The following NCOA3 variants were observed in gnomAD, a reference collection of about 807,000 sequenced individuals.
The protein encoded by NCOA3 is CBP-interacting protein.
A neutral mutation model predicts 158.8 loss-of-function variants in NCOA3; 51 were observed. The observed-to-expected ratio is 0.32, with a 90% CI of 0.26 to 0.41. NCOA3 has a LOEUF of 0.41. Among genes scored for constraint, NCOA3 ranks in the 10% least tolerant of loss-of-function variants. The pLI is 1.00. For missense variants in NCOA3, 1,510 were observed against 1,746.6 expected, an observed-to-expected ratio of 0.86 and a Z score of 2.41; for synonymous variants, 537 against 592.4, an observed-to-expected ratio of 0.91 and a Z score of 1.36.
At chr20:47,572,413 G>GA (rs375734611) in intron 1 of NCOA3, among the ~76,000 whole-genome samples, 18 of 149,866 alleles carry the variant, frequency 1.2e-4, no homozygotes, top group South Asian at 4.2e-4. Context: ...TCTAGTAAAA[G>GA]AAAAAAAAAC....
At chr20:47,585,287 C>T (rs544671377) in intron 2 of NCOA3, among the ~76,000 whole-genome samples, 6 of 152,136 alleles carry the variant, frequency 3.9e-5, no homozygotes, top group South Asian at 4.1e-4. Context: ...CCTCAAGTGA[C>T]GTGCCTGCCT....
chr20:47,640,159 G>T (rs1279776580), intron 16 of NCOA3, 108 bp downstream of exon 16: 1 of 1,458,386 alleles, frequency 6.9e-7, no homozygotes, highest in East Asian at 2.3e-5. Context: ...CCCTATAATT[G>T]AGGTACTGGG....
chr20:47,606,671 C>T (rs181437884), intron 2 of NCOA3, among the ~76,000 whole-genome samples: 8 of 152,266 alleles, frequency 5.3e-5, no homozygotes, highest in African/African-American at 1.2e-4. Flanking sequence ...TGGCTGTCTC[C>T]GGGAAAAGCA....
At chr20:47,555,308 A>G (rs1399778811) in intron 1 of NCOA3, among the ~76,000 whole-genome samples, 1 of 152,212 alleles carries the variant, frequency 6.6e-6, no homozygotes, top group East Asian at 1.9e-4. Context: ...GTAAGCTATG[A>G]TGTTAGGCAA....
chr20:47,633,386 C>A, intron 8 of NCOA3, 110 bp from the exon 9 acceptor site: 1 of 1,065,864 alleles, frequency 9.4e-7, no homozygotes, highest in Non-Finnish European at 1.3e-6. Flanking sequence ...GAAGGTGGAG[C>A]AAAGATTTAA....
chr20:47,644,201 G>A (rs576222037), intron 17 of NCOA3, among the ~76,000 whole-genome samples: 4 of 151,300 alleles, frequency 2.6e-5, no homozygotes, highest in African/African-American at 7.3e-5. Context: ...GTGCAGTGGC[G>A]TGATCTTGGC....
chr20:47,526,446 G>GC (rs1158575175), intron 1 of NCOA3, among the ~76,000 whole-genome samples: 4 of 152,148 alleles, frequency 2.6e-5, no homozygotes, highest in Admixed American at 6.5e-5. Flanking sequence ...CCGAGATCAC[G>GC]CCACTGCACT....
rs193158155 is a variant in NCOA3 at position 47,531,274 on chromosome 20, G to A, written c.-99+29255G>A. 9.9e-5 allele frequency among the ~76,000 whole-genome samples: 15 copies of A among 152,284 alleles called. No homozygotes were observed. The East Asian group carries it at 2.9e-3, about 29-fold the overall frequency. On this transcript the variant is annotated intron_variant, in intron 1 of 22. Coordinates refer to ENST00000371998, the MANE Select transcript of NCOA3 (RefSeq NM_181659.3). ...GAATCGCTTGAACTCAGGAGGCAGAGGCTGCATGCAGTGAGCCGAGATTGT... is the reference window on the plus strand; with the variant it reads ...GAATCGCTTGAACTCAGGAGGCAGAAGCTGCATGCAGTGAGCCGAGATTGT...
intron 1 of NCOA3, among the ~76,000 whole-genome samples, chr20:47,582,977 T>A (rs1163089177): frequency 6.6e-6 from 1 of 152,120 alleles, no homozygotes; most frequent in African/African-American, 2.4e-5. Context: ...GTATTTTTAG[T>A]AGAGTTGGGG....
chr20:47,608,985 T>A (rs868410562), intron 2 of NCOA3, among the ~76,000 whole-genome samples: 18 of 152,236 alleles, frequency 1.2e-4, no homozygotes, highest in African/African-American at 3.9e-4. Flanking sequence ...TCTACTTCTT[T>A]TATTAGTAAG....
chr20:47,646,075 G>A (rs1274691521), intron 17 of NCOA3, among the ~76,000 whole-genome samples: 4 of 152,072 alleles, frequency 2.6e-5, no homozygotes, highest in African/African-American at 7.2e-5. Context: ...GGACCCCTGT[G>A]GATACCAAAA....
At chr20:47,616,958 C>CT (rs1555811743) in intron 2 of NCOA3, among the ~76,000 whole-genome samples, 3 of 151,944 alleles carry the variant, frequency 2.0e-5, no homozygotes, top group South Asian at 2.1e-4. Flanking sequence ...ATAGACTGTT[C>CT]TTTTTTTTCT....
intron 2 of NCOA3, among the ~76,000 whole-genome samples, chr20:47,610,309 T>G (rs1227817098): frequency 1.3e-5 from 2 of 152,150 alleles, no homozygotes; most frequent in Non-Finnish European, 2.9e-5. Flanking sequence ...AGACTTGACC[T>G]CCTGGGCTCA....
Position 47,652,441 on chromosome 20 carries a change from G to A in NCOA3, c.3982G>A (p.Val1328Met). 3.7e-6 allele frequency: 6 copies of A among 1,610,652 alleles called. No homozygotes were observed. The highest frequency in any genetic ancestry group is 5.1e-6 in the Non-Finnish European group (6 of 1,177,176). The change falls in exon 21 of 23, where the codon GTG (valine) becomes ATG (methionine). Residue 1328 changes from valine to methionine, a missense_variant. Coordinates refer to ENST00000371998, the MANE Select transcript of NCOA3 (RefSeq NM_181659.3). Reference sequence around the variant, plus strand: ...ACAACCAGATCCAGCCTTTGGTCGAGTGTCTAGTCCTCCCAATGCAATGAT... The same window carrying A: ...ACAACCAGATCCAGCCTTTGGTCGAATGTCTAGTCCTCCCAATGCAATGAT... ...GQQPDPAFGR[V>M]SSPPNAMMSS...
intron 4 of NCOA3, among the ~76,000 whole-genome samples, 156 bp from the exon 5 acceptor site, chr20:47,625,225 T>C (rs969840633): frequency 2.6e-5 from 4 of 152,210 alleles, no homozygotes; most frequent in Admixed American, 1.3e-4. Context: ...TTTGATGTTA[T>C]AATATTGTAG....
Position 47,647,354 on chromosome 20 carries a change from G to A in NCOA3, c.3534G>A (p.Leu1178=). Residue 1178 remains leucine, a synonymous_variant, in exon 18 of 23, where the codon CTG becomes CTA. Coordinates refer to ENST00000371998, the MANE Select transcript of NCOA3 (RefSeq NM_181659.3). ...KQLRMQLQQR[L]QGQQFLNQSR... Reference sequence around the variant, plus strand: ...TTAGAATGCAGCTTCAGCAGAGGCTGCAGGGCCAGCAGGTAACCAGTCATG... The same window carrying A: ...TTAGAATGCAGCTTCAGCAGAGGCTACAGGGCCAGCAGGTAACCAGTCATG... 3 of 1,613,678 alleles carry A rather than the reference G, an allele frequency of 1.9e-6. No individual in the cohort carries two copies. Among genetic ancestry groups the A allele is most frequent in the Non-Finnish European group, 2.5e-6 (3 of 1,179,694 alleles).
chr20:47,605,007 A>G (rs934865987), intron 2 of NCOA3, among the ~76,000 whole-genome samples: 2 of 152,130 alleles, frequency 1.3e-5, no homozygotes, highest in Admixed American at 6.5e-5. Context: ...AGCTGGGACT[A>G]CAGGCGCATG....
chr20:47,638,064 G>A (rs920707383), intron 13 of NCOA3, among the ~76,000 whole-genome samples: 2 of 152,086 alleles, frequency 1.3e-5, no homozygotes, highest in African/African-American at 4.8e-5. Flanking sequence ...GGTGAGTACT[G>A]TAGGTACTAG....
At chr20:47,514,671 G>T (rs1189929678) in intron 1 of NCOA3, among the ~76,000 whole-genome samples, 1 of 151,268 alleles carries the variant, frequency 6.6e-6, no homozygotes. Context: ...TGGGATCACA[G>T]GTGTGCTGTT....
Sources: gnomAD v4.1 joint callset for allele counts (sites outside exome capture counted in the v4.1 genomes callset) on GRCh38, gnomAD v4.1.1 for gene constraint, MANE v1.5 for transcripts, NCBI Gene and HGNC (gene_info 2026-07-23, HGNC 2026-07-21) for gene names.